Variants in RAB38 observed in about 807,000 individuals in gnomAD.
The protein encoded by RAB38 is ras-related protein Rab-38.
RAB38 carries 15 observed loss-of-function variants against 18.4 expected under a neutral mutation model. The ratio of observed to expected loss-of-function variants is 0.82; its 90% CI spans 0.55 to 1.26. RAB38 has a LOEUF of 1.26. Ranked by LOEUF, RAB38 falls within the 50% of genes most tolerant of loss-of-function variation. RAB38 has a pLI of 0.00. For synonymous variants in RAB38, 101 were observed against 104.4 expected (o/e 0.97, Z 0.20); for missense variants, 294 against 267.4 (o/e 1.10, Z -0.69).
the RAB38 span, among the ~76,000 whole-genome samples, chr11:87,939,593 C>G: frequency 6.6e-6 from 1 of 152,066 alleles, no homozygotes; most frequent in Non-Finnish European, 1.5e-5. Context: ...CATGGTGACT[C>G]ACGCCTGTAA....
the RAB38 span, among the ~76,000 whole-genome samples, chr11:87,956,536 G>T: frequency 2.0e-5 from 3 of 151,784 alleles, no homozygotes; most frequent in African/African-American, 4.9e-5. Context: ...GGAGATGTCT[G>T]TAGAAACCAA....
the RAB38 span, among the ~76,000 whole-genome samples, chr11:87,885,914 C>T: frequency 2.6e-5 from 4 of 151,948 alleles, no homozygotes; most frequent in Admixed American, 6.6e-5. Flanking sequence ...AGTATTGTCT[C>T]ATAGTTCTTT....
chr11:88,081,250 AC>A, the RAB38 span, among the ~76,000 whole-genome samples: 2 of 151,952 alleles, frequency 1.3e-5, no homozygotes, highest in African/African-American at 2.4e-5. Flanking sequence ...AGAAATTGAA[AC>A]ATAGCTTTGT....
the RAB38 span, among the ~76,000 whole-genome samples, chr11:87,868,608 A>AGAGAGAGAGAGAGAGAGAGAAG: frequency 5.3e-3 from 550 of 102,912 alleles, 16 homozygotes; most frequent in African/African-American, 0.014. Context: ...AGAGAGAGAG[A>AGAGAGAGAGAGAGAGAGAGAAG]GAGAGAGAGA....
the RAB38 span, among the ~76,000 whole-genome samples, chr11:88,089,160 G>A: frequency 6.9e-6 from 1 of 145,804 alleles, no homozygotes; most frequent in African/African-American, 2.5e-5. Context: ...TGAATAAGGG[G>A]CAGAGGCTGG....
chr11:88,023,719 A>G, the RAB38 span, among the ~76,000 whole-genome samples: 24 of 152,156 alleles, frequency 1.6e-4, no homozygotes, highest in Non-Finnish European at 1.5e-5. Context: ...GGAACAGAAT[A>G]GAGAACCCAG....
chr11:88,026,040 C>A, the RAB38 span, among the ~76,000 whole-genome samples: 1 of 152,050 alleles, frequency 6.6e-6, no homozygotes, highest in African/African-American at 2.4e-5. Flanking sequence ...TTTTGGCTCA[C>A]TGCAACCTCT....
the RAB38 span, among the ~76,000 whole-genome samples, chr11:87,888,163 A>G: frequency 6.6e-6 from 1 of 152,058 alleles, no homozygotes; most frequent in East Asian, 2.0e-4. Flanking sequence ...TTTGCTGACA[A>G]AGACATCGAG....
the RAB38 span, among the ~76,000 whole-genome samples, chr11:88,076,237 G>A: frequency 3.3e-5 from 5 of 151,772 alleles, no homozygotes; most frequent in Non-Finnish European, 7.4e-5. Flanking sequence ...ATAAATTCCT[G>A]GATTCATACA....
chr11:87,928,234 T>G, the RAB38 span, among the ~76,000 whole-genome samples: 1 of 152,078 alleles, frequency 6.6e-6, no homozygotes, highest in Non-Finnish European at 1.5e-5. Flanking sequence ...TTTCCCTCTT[T>G]CATGTTGTAC....
At chr11:88,086,986 G>A in the RAB38 span, among the ~76,000 whole-genome samples, 1 of 151,822 alleles carries the variant, frequency 6.6e-6, no homozygotes, top group East Asian at 1.9e-4. Context: ...ATTGGAGGAC[G>A]GCAAAAATGT....
At chr11:87,951,338 A>C in the RAB38 span, among the ~76,000 whole-genome samples, 1 of 151,694 alleles carries the variant, frequency 6.6e-6, no homozygotes, top group Non-Finnish European at 1.5e-5. Flanking sequence ...CATTGGTTCG[A>C]ATTTCCTCCT....
chr11:88,044,883 C>A, the RAB38 span, among the ~76,000 whole-genome samples: 1 of 152,156 alleles, frequency 6.6e-6, no homozygotes, highest in East Asian at 1.9e-4. Context: ...TGCTCCACCA[C>A]CCTATAATCC....
At chr11:88,157,946 A>T (rs938204978) in intron 1 of RAB38, among the ~76,000 whole-genome samples, 3 of 152,114 alleles carry the variant, frequency 2.0e-5, no homozygotes, top group Non-Finnish European at 4.4e-5. Flanking sequence ...AACAGAATGA[A>T]ATTGAGACTC....
chr11:88,067,270 G>A, the RAB38 span, among the ~76,000 whole-genome samples: 1 of 150,704 alleles, frequency 6.6e-6, no homozygotes. Context: ...CTAGATGTTA[G>A]CATTACACAA....
At chr11:87,808,540 G>A in the RAB38 span, among the ~76,000 whole-genome samples, 746 of 152,264 alleles carry the variant, frequency 4.9e-3, 3 homozygotes, top group African/African-American at 0.016. Flanking sequence ...AGGAGTGGAC[G>A]TGATGGTCAT....
At chr11:88,080,349 C>G in the RAB38 span, among the ~76,000 whole-genome samples, 2 of 151,906 alleles carry the variant, frequency 1.3e-5, no homozygotes, top group African/African-American at 4.8e-5. Flanking sequence ...TCATAAGGCT[C>G]TAAACTACTA....
intron 2 of RAB38, among the ~76,000 whole-genome samples, chr11:88,146,253 T>A (rs1200703713): frequency 1.3e-5 from 2 of 152,098 alleles, no homozygotes; most frequent in African/African-American, 4.8e-5. Flanking sequence ...GACTAACTCA[T>A]CTAAAATCCT....
At chr11:87,839,504 A>T in the RAB38 span, among the ~76,000 whole-genome samples, 2 of 152,204 alleles carry the variant, frequency 1.3e-5, no homozygotes, top group African/African-American at 4.8e-5. Flanking sequence ...CATAGGATCA[A>T]CAAATCAATC....
Sources: gnomAD v4.1 joint callset for allele counts (sites outside exome capture counted in the v4.1 genomes callset) on GRCh38, gnomAD v4.1.1 for gene constraint, MANE v1.5 for transcripts, NCBI Gene and HGNC (gene_info 2026-07-23, HGNC 2026-07-21) for gene names.